The following CTNNA3 variants were observed in gnomAD, a reference collection of about 807,000 sequenced individuals.
CTNNA3 encodes the protein catenin alpha 3.
CTNNA3 carries 76 observed loss-of-function variants against 95.7 expected under a neutral mutation model. The observed-to-expected ratio is 0.79, with a 90% CI of 0.66 to 0.96. The LOEUF is 0.96. Among genes scored for constraint, CTNNA3 ranks in the 40% least tolerant of loss-of-function variants. The probability of loss-of-function intolerance (pLI) is 0.00; values close to 1 mark genes in which losing one functional copy is unlikely to be tolerated. For synonymous variants in CTNNA3, 431 were observed against 374.4 expected, an observed-to-expected ratio of 1.15 and a Z score of -1.74; for missense variants, 1,191 against 1,089.8, an observed-to-expected ratio of 1.09 and a Z score of -1.31.
At chr10:67,450,650 G>A (rs1177566997) in intron 5 of CTNNA3, among the ~76,000 whole-genome samples, 1 of 152,016 alleles carries the variant, frequency 6.6e-6, no homozygotes, top group African/African-American at 2.4e-5. Flanking sequence ...AGTAGGAGGA[G>A]GGAGAGAATC....
At chr10:67,221,448 C>T (rs1399916462) in intron 5 of CTNNA3, among the ~76,000 whole-genome samples, 1 of 152,192 alleles carries the variant, frequency 6.6e-6, no homozygotes, top group African/African-American at 2.4e-5. Flanking sequence ...TTTCAAGAGA[C>T]TAAGTTTCTT....
chr10:66,458,128 G>A (rs1163508805), intron 11 of CTNNA3, among the ~76,000 whole-genome samples: 1 of 152,114 alleles, frequency 6.6e-6, no homozygotes, highest in African/African-American at 2.4e-5. Flanking sequence ...GAGACCTTAG[G>A]GAGTGAAAAA....
rs1851936209 is a variant in CTNNA3 at position 67,005,687 on chromosome 10, T to TTTTTTTTTTTTTG, written c.1047+174629_1047+174630insCAAAAAAAAAAAA. Among the ~76,000 whole-genome samples the TTTTTTTTTTTTTG allele has an allele frequency of 2.1e-4, 21 of 102,322 alleles. 2 individuals carry two copies. Among genetic ancestry groups the TTTTTTTTTTTTTG allele is most frequent in the African/African-American group, 6.5e-4 (21 of 32,448 alleles). 67.1% of individuals were successfully genotyped at this position (102,322 alleles called of 152,430 possible). On this transcript the variant is annotated intron_variant, in intron 7 of 17. Coordinates refer to ENST00000433211, the MANE Select transcript of CTNNA3 (RefSeq NM_013266.4). ...TTTTGTTTATTTTACTCCATCTTTT[T>TTTTTTTTTTTTTG]TTTTTTTTTTTTTTTTGAGACGGAG...
intron 7 of CTNNA3, among the ~76,000 whole-genome samples, chr10:66,896,676 A>C (rs1845504750): frequency 6.6e-6 from 1 of 152,168 alleles, no homozygotes; most frequent in Admixed American, 6.5e-5. Flanking sequence ...CCCATAGTAC[A>C]AGGACTTCAC....
At chr10:66,610,703 T>C (rs999557519) in intron 10 of CTNNA3, among the ~76,000 whole-genome samples, 24 of 152,190 alleles carry the variant, frequency 1.6e-4, no homozygotes, top group Non-Finnish European at 2.6e-4. Context: ...ACGGTAAATA[T>C]GGAAAACTGT....
intron 1 of CTNNA3, among the ~76,000 whole-genome samples, chr10:67,736,505 G>C (rs1272609836): frequency 6.9e-6 from 1 of 145,544 alleles, no homozygotes; most frequent in Non-Finnish European, 1.5e-5. Context: ...ACCCAGGCTG[G>C]AGTGCAGTGG....
chr10:67,346,802 C>T (rs1289838644), intron 5 of CTNNA3: 4 of 390,416 alleles, frequency 1.0e-5, no homozygotes, highest in Non-Finnish European at 2.1e-5. Context: ...AGATCATTCC[C>T]TCATGAACTT....
At chr10:67,370,679 A>G (rs1281983037) in intron 5 of CTNNA3, among the ~76,000 whole-genome samples, 1 of 152,108 alleles carries the variant, frequency 6.6e-6, no homozygotes, top group Non-Finnish European at 1.5e-5. Flanking sequence ...ATAACTCACT[A>G]TTTGGTATAT....
At chr10:67,090,142 CA>C (rs1174430457) in intron 7 of CTNNA3, among the ~76,000 whole-genome samples, 1 of 152,050 alleles carries the variant, frequency 6.6e-6, no homozygotes, top group African/African-American at 2.4e-5. Context: ...CATTTTTACA[CA>C]TATATGTATC....
Position 66,688,026 on chromosome 10 carries a change from A to T in CTNNA3, c.1282-66242T>A, listed in dbSNP as rs1010078630. Among the ~76,000 whole-genome samples, 2 of 152,150 alleles carry T rather than the reference A, an allele frequency of 1.3e-5. 1 individual carries two copies. On this transcript the variant is annotated intron_variant, in intron 9 of 17. Coordinates refer to ENST00000433211, the MANE Select transcript of CTNNA3 (RefSeq NM_013266.4). Reference sequence around the variant, plus strand: ...CCAAATGAGAAGCTGTTTTGAGGGTAAAAGATCCTAGAAATAAAAAATATA... The same window carrying T: ...CCAAATGAGAAGCTGTTTTGAGGGTTAAAGATCCTAGAAATAAAAAATATA...
chr10:66,413,449 A>C (rs2093123689), intron 11 of CTNNA3, among the ~76,000 whole-genome samples: 1 of 152,212 alleles, frequency 6.6e-6, no homozygotes, highest in African/African-American at 2.4e-5. Context: ...CTATATTTTC[A>C]AACAGTGTTC....
At chr10:66,879,594 G>GA (rs1263199208) in intron 7 of CTNNA3, among the ~76,000 whole-genome samples, 4 of 152,094 alleles carry the variant, frequency 2.6e-5, no homozygotes, top group Admixed American at 2.6e-4. Context: ...TGACCTAGTA[G>GA]AAGAGATAAG....
chr10:67,326,357 C>A (rs2132567387), intron 5 of CTNNA3, among the ~76,000 whole-genome samples: 1 of 152,294 alleles, frequency 6.6e-6, no homozygotes, highest in Middle Eastern at 3.4e-3. Flanking sequence ...TTTGTAGTGG[C>A]TGACAACAGT....
At chr10:66,617,778 T>C (rs2132304890) in intron 10 of CTNNA3, among the ~76,000 whole-genome samples, 1 of 152,024 alleles carries the variant, frequency 6.6e-6, no homozygotes, top group South Asian at 2.1e-4. Flanking sequence ...ACTGTCCCTG[T>C]TTGCAGATGA....
At chr10:67,117,967 C>T (rs1038311879) in intron 7 of CTNNA3, among the ~76,000 whole-genome samples, 1 of 151,844 alleles carries the variant, frequency 6.6e-6, no homozygotes, top group Non-Finnish European at 1.5e-5. Flanking sequence ...GATTCAAGAG[C>T]AATTATTTAA....
intron 13 of CTNNA3, among the ~76,000 whole-genome samples, chr10:66,168,594 T>C (rs1013318294): frequency 1.3e-5 from 2 of 152,184 alleles, no homozygotes; most frequent in African/African-American, 2.4e-5. Context: ...GTGCAAGTAT[T>C]ACTACCTCAA....
intron 7 of CTNNA3, among the ~76,000 whole-genome samples, chr10:66,807,170 C>T (rs573041335): frequency 6.6e-5 from 10 of 152,038 alleles, no homozygotes; most frequent in South Asian, 2.1e-4. Context: ...GTTTTGGGTG[C>T]GCACTGTGAA....
intron 13 of CTNNA3, among the ~76,000 whole-genome samples, chr10:66,132,598 C>T (rs2083163092): frequency 6.6e-6 from 1 of 152,122 alleles, no homozygotes; most frequent in Non-Finnish European, 1.5e-5. Flanking sequence ...CATATGCATG[C>T]ATATGTTTAT....
intron 5 of CTNNA3, among the ~76,000 whole-genome samples, chr10:67,295,462 G>C (rs769270291): frequency 2.6e-5 from 4 of 151,886 alleles, no homozygotes; most frequent in Admixed American, 1.3e-4. Context: ...TGAGTCACGT[G>C]GGAATTCCAA....
Sources: allele counts gnomAD v4.1 joint callset (sites outside exome capture counted in the v4.1 genomes callset), GRCh38; gene constraint gnomAD v4.1.1; transcripts MANE v1.5; gene names NCBI Gene and HGNC (gene_info 2026-07-23, HGNC 2026-07-21).